Variants in PRKN observed in about 807,000 individuals in gnomAD.
The protein encoded by PRKN is E3 ubiquitin-protein ligase parkin.
In PRKN, 56 loss-of-function variants were observed where a neutral mutation model predicts 59.5. That is an observed-to-expected ratio of 0.94 (90% CI 0.76 to 1.18). The LOEUF (loss-of-function observed/expected upper bound fraction) is 1.18, where lower values mean the gene tolerates loss of function less well. PRKN is among the 50% of genes most tolerant of loss of function. The pLI is 0.00. For missense variants in PRKN, 657 were observed against 596.4 expected, an observed-to-expected ratio of 1.10 and a Z score of -1.06; for synonymous variants, 250 against 222.1, an observed-to-expected ratio of 1.13 and a Z score of -1.12.
At chr6:161,724,284 G>A (rs144184585) in intron 7 of PRKN, among the ~76,000 whole-genome samples, 152 of 152,288 alleles carry the variant, frequency 1.0e-3, no homozygotes, top group African/African-American at 3.5e-3. Context: ...TTGATACAAG[G>A]ATATTGCAAC....
intron 7 of PRKN, among the ~76,000 whole-genome samples, chr6:161,571,803 T>A (rs1270680896): frequency 6.6e-6 from 1 of 152,154 alleles, no homozygotes; most frequent in African/African-American, 2.4e-5. Flanking sequence ...GAAGATCCAC[T>A]CTCAGCAATG....
In PRKN at chr6:161,998,602, T is replaced by C. The variant is rs79008484; in HGVS notation, c.619-25185A>G. ...TACTCTGGTAGCAGGTAGCTACTGTTTCATTAGCTACAGTTTGTATATCAG... is the reference window on the plus strand; with the variant it reads ...TACTCTGGTAGCAGGTAGCTACTGTCTCATTAGCTACAGTTTGTATATCAG... On this transcript the variant is annotated intron_variant, in intron 5 of 11. Transcript: ENST00000366898. Among the ~76,000 whole-genome samples, 375 of 152,220 alleles carry C rather than the reference T, an allele frequency of 2.5e-3. 1 individual carries two copies. Among genetic ancestry groups the C allele is most frequent in the African/African-American group, 8.9e-3 (370 of 41,546 alleles).
chr6:162,512,140 A>G (rs1352630681), intron 1 of PRKN, among the ~76,000 whole-genome samples: 2 of 152,230 alleles, frequency 1.3e-5, no homozygotes, highest in Non-Finnish European at 2.9e-5. Flanking sequence ...GTAACAAATT[A>G]AAGTGGAAGA....
intron 7 of PRKN, among the ~76,000 whole-genome samples, chr6:161,743,383 CTTTTTTA>C (rs1562648790): frequency 2.7e-5 from 3 of 110,392 alleles, no homozygotes; most frequent in African/African-American, 1.1e-4. Flanking sequence ...CCACATCCAG[CTTTTTTA>C]TTTATTTATT....
Position 162,314,168 on chromosome 6 carries a change from T to C in PRKN, c.172-51403A>G, listed in dbSNP as rs77297039. Among the ~76,000 whole-genome samples, 1,471 of 152,202 alleles carry C rather than the reference T, an allele frequency of 9.7e-3. 32 individuals are homozygous for C. Among genetic ancestry groups the C allele is most frequent in the African/African-American group, 0.033 (1,370 of 41,534 alleles). On this transcript the variant is annotated intron_variant, in intron 2 of 11. Coordinates refer to ENST00000366898, the MANE Select transcript of PRKN (RefSeq NM_004562.3). ...ATTAATCTGGTCTCCCCAAGAATGC[T>C]GCCAGACAGAGATTAGTAATCCCAT...
chr6:161,678,165 G>A (rs940254809), intron 7 of PRKN, among the ~76,000 whole-genome samples: 1 of 145,596 alleles, frequency 6.9e-6, no homozygotes, highest in African/African-American at 2.6e-5. Flanking sequence ...ATTTATTTGG[G>A]CTTAGAACAC....
chr6:162,365,620 C>A (rs1282281648), intron 2 of PRKN, among the ~76,000 whole-genome samples: 1 of 152,114 alleles, frequency 6.6e-6, no homozygotes, highest in East Asian at 1.9e-4. Context: ...TGTGGAATGT[C>A]CTGTCCCAAG....
intron 1 of PRKN, among the ~76,000 whole-genome samples, chr6:162,608,437 C>G (rs919212505): frequency 6.6e-6 from 1 of 152,086 alleles, no homozygotes. Context: ...CTAAATCTCC[C>G]AGGATAATGG....
chr6:162,181,703 T>C (rs1783811551), intron 4 of PRKN, among the ~76,000 whole-genome samples: 2 of 152,138 alleles, frequency 1.3e-5, no homozygotes, highest in South Asian at 2.1e-4. Context: ...TAGGAATCAC[T>C]AAGTGGGAAT....
intron 3 of PRKN, among the ~76,000 whole-genome samples, chr6:162,254,874 A>G (rs1054607059): frequency 1.3e-5 from 2 of 152,210 alleles, no homozygotes; most frequent in Middle Eastern, 6.8e-3. Flanking sequence ...TTCCCAACAT[A>G]AAATGGAAAA....
At chr6:161,674,628 G>A (rs1300349123) in intron 7 of PRKN, among the ~76,000 whole-genome samples, 1 of 152,170 alleles carries the variant, frequency 6.6e-6, no homozygotes, top group East Asian at 1.9e-4. Flanking sequence ...ATGCGTAATT[G>A]TGGGGGTTGG....
At chr6:161,981,735 GTAAC>G (rs1362195951) in intron 5 of PRKN, among the ~76,000 whole-genome samples, 1 of 152,152 alleles carries the variant, frequency 6.6e-6, no homozygotes, top group African/African-American at 2.4e-5. Context: ...CTGATACAAA[GTAAC>G]TATGCAAACT....
At chr6:162,323,066 T>A (rs533932107) in intron 2 of PRKN, among the ~76,000 whole-genome samples, 10 of 102,396 alleles carry the variant, frequency 9.8e-5, no homozygotes, top group Admixed American at 7.0e-4. Context: ...CTCTGGGGAC[T>A]GTTGTGGGGT....
chr6:162,499,102 G>C (rs1003348661), intron 1 of PRKN, among the ~76,000 whole-genome samples: 1 of 152,128 alleles, frequency 6.6e-6, no homozygotes, highest in Admixed American at 6.5e-5. Context: ...TGCGGGATAC[G>C]TAAGTTCTTT....
chr6:161,795,130 C>T (rs540258680), intron 6 of PRKN, among the ~76,000 whole-genome samples: 7 of 152,166 alleles, frequency 4.6e-5, no homozygotes, highest in South Asian at 2.1e-4. Context: ...ATGATCCACC[C>T]GCCTCGGCCT....
chr6:162,092,239 C>T (rs1309221477), intron 4 of PRKN, among the ~76,000 whole-genome samples: 1 of 151,924 alleles, frequency 6.6e-6, no homozygotes, highest in African/African-American at 2.4e-5. Context: ...CCTATAGTCC[C>T]AGCTACTCGG....
intron 6 of PRKN, among the ~76,000 whole-genome samples, chr6:161,972,394 A>G (rs572053823): frequency 7.2e-5 from 11 of 152,244 alleles, no homozygotes; most frequent in African/African-American, 2.6e-4. Flanking sequence ...TTCTCTGTCC[A>G]TTCGGAAAGT....
chr6:162,054,278 G>A, intron 4 of PRKN, 104 bp from the exon 5 acceptor site: 2 of 800,864 alleles, frequency 2.5e-6, no homozygotes, highest in Non-Finnish European at 4.3e-6. Context: ...AAATTAGTGT[G>A]TAGTCCAATG....
At chr6:161,494,298 C>T (rs1777663418) in intron 9 of PRKN, among the ~76,000 whole-genome samples, 1 of 152,148 alleles carries the variant, frequency 6.6e-6, no homozygotes, top group African/African-American at 2.4e-5. Context: ...ACCTGCTCTC[C>T]AGGTAGGTCA....
Sources: allele counts gnomAD v4.1 joint callset (sites outside exome capture counted in the v4.1 genomes callset), GRCh38; gene constraint gnomAD v4.1.1; transcripts MANE v1.5; gene names NCBI Gene and HGNC (gene_info 2026-07-23, HGNC 2026-07-21).